SLC4A4: variants seen among roughly 807,000 people sequenced by gnomAD.
SLC4A4 encodes the protein solute carrier family 4 member 4, also known as electrogenic sodium bicarbonate cotransporter 1.
Under a neutral mutation model 111.5 loss-of-function variants are expected in SLC4A4, and 27 were observed. The observed-to-expected ratio is 0.24, with a 90% CI of 0.18 to 0.33. The LOEUF (loss-of-function observed/expected upper bound fraction) is 0.33. SLC4A4 is among the 10% of genes least tolerant of loss of function. The pLI is 1.00. For missense variants in SLC4A4, 909 were observed against 1,315.5 expected, an observed-to-expected ratio of 0.69 and a Z score of 4.78; for synonymous variants, 443 against 463.4, an observed-to-expected ratio of 0.96 and a Z score of 0.57.
intron 2 of SLC4A4, among the ~76,000 whole-genome samples, chr4:71,097,433 A>C (rs933755015): frequency 5.9e-5 from 9 of 152,102 alleles, no homozygotes; most frequent in Non-Finnish European, 1.3e-4. Context: ...ACTGATGTGC[A>C]TTTAGGTTGA....
At chr4:71,349,110 C>T (rs560090734) in intron 4 of SLC4A4, among the ~76,000 whole-genome samples, 1 of 152,164 alleles carries the variant, frequency 6.6e-6, no homozygotes, top group East Asian at 1.9e-4. Flanking sequence ...CTCTCATTTC[C>T]ATTAAGGTTT....
At chr4:71,466,717 G>A (rs187465669) in intron 13 of SLC4A4, 140 bp downstream of exon 13, 5 of 865,012 alleles carry the variant, frequency 5.8e-6, no homozygotes, top group Non-Finnish European at 9.1e-6. Flanking sequence ...AGAGGTGAAA[G>A]GGCCTTAGCA....
intron 1 of SLC4A4, among the ~76,000 whole-genome samples, chr4:71,086,095 A>G (rs1162325986): frequency 6.6e-6 from 1 of 151,550 alleles, no homozygotes; most frequent in African/African-American, 2.4e-5. Context: ...AGTGGTTTGT[A>G]GTTCTCCTTG....
At chr4:71,321,691 G>T (rs554010698) in intron 3 of SLC4A4, among the ~76,000 whole-genome samples, 1 of 152,040 alleles carries the variant, frequency 6.6e-6, no homozygotes, top group African/African-American at 2.4e-5. Flanking sequence ...GAAGGCAAAA[G>T]AGAGCAAGAG....
rs191281937 is a variant in SLC4A4 at position 71,347,814 on chromosome 4, G to T, written c.390-2098G>T. 5.3e-5 allele frequency among the ~76,000 whole-genome samples: 8 copies of T among 152,200 alleles called. No individual in the cohort carries two copies. The East Asian group carries it at 1.5e-3, about 29-fold the overall frequency. On this transcript the variant is annotated intron_variant, in intron 4 of 25. Transcript: ENST00000264485. ...CTTGTAAAACACTCCCCTTTACAGGGCTTCTAGCTGCCCTGTGTCATTCAT... is the reference window on the plus strand; with the variant it reads ...CTTGTAAAACACTCCCCTTTACAGGTCTTCTAGCTGCCCTGTGTCATTCAT...
chr4:71,195,070 T>C (rs567735895), intron 1 of SLC4A4, among the ~76,000 whole-genome samples: 110 of 152,164 alleles, frequency 7.2e-4, no homozygotes, highest in African/African-American at 2.5e-3. Flanking sequence ...ATGTGTATGA[T>C]TTTTGTTTTG....
intron 3 of SLC4A4, among the ~76,000 whole-genome samples, chr4:71,275,848 A>C (rs1274110646): frequency 1.3e-5 from 2 of 152,358 alleles, no homozygotes; most frequent in South Asian, 2.1e-4. Flanking sequence ...CAACATTAGA[A>C]CTTTAGAAGA....
chr4:71,331,116 C>G (rs1448367270), intron 3 of SLC4A4, among the ~76,000 whole-genome samples: 1 of 152,136 alleles, frequency 6.6e-6, no homozygotes, highest in Non-Finnish European at 1.5e-5. Flanking sequence ...AATAGGAACA[C>G]TTTTACACTG....
intron 2 of SLC4A4, among the ~76,000 whole-genome samples, chr4:71,142,684 G>A (rs1306817143): frequency 1.3e-5 from 2 of 150,450 alleles, no homozygotes; most frequent in African/African-American, 4.9e-5. Flanking sequence ...TCTTGGAGAT[G>A]CTATCTAGCA....
In SLC4A4 at chr4:71,333,006, G is replaced by A. The variant is rs1047352568; in HGVS notation, c.254-6364G>A. ...AAGGTCATATGTCTCTGTTACTTGGGATTGGTCATTGGTACCTTATTTGGT... is the reference window on the plus strand; with the variant it reads ...AAGGTCATATGTCTCTGTTACTTGGAATTGGTCATTGGTACCTTATTTGGT... On this transcript the variant is annotated intron_variant, in intron 3 of 25. Coordinates refer to ENST00000264485, the MANE Select transcript of SLC4A4 (RefSeq NM_001098484.3). Among the ~76,000 whole-genome samples, 17 of 152,156 alleles carry A rather than the reference G, an allele frequency of 1.1e-4. 1 individual carries two copies. Among genetic ancestry groups the A allele is most frequent in the Admixed American group, 1.0e-3 (16 of 15,268 alleles).
At chr4:71,189,994 A>G (rs1353379241) in intron 1 of SLC4A4, among the ~76,000 whole-genome samples, 1 of 152,202 alleles carries the variant, frequency 6.6e-6, no homozygotes, top group African/African-American at 2.4e-5. Flanking sequence ...TAAGCAGAAC[A>G]TGGATCTCAG....
chr4:71,137,676 C>G (rs2148964638), intron 2 of SLC4A4, among the ~76,000 whole-genome samples: 1 of 152,348 alleles, frequency 6.6e-6, no homozygotes, highest in Non-Finnish European at 1.5e-5. Context: ...GTGGTTGCTG[C>G]CTGTCCACCT....
At chr4:71,309,733 C>T (rs758472114) in intron 3 of SLC4A4, among the ~76,000 whole-genome samples, 4 of 152,106 alleles carry the variant, frequency 2.6e-5, no homozygotes, top group African/African-American at 7.2e-5. Context: ...GAAAAACCAG[C>T]GCAAAAATGC....
intron 6 of SLC4A4, among the ~76,000 whole-genome samples, chr4:71,358,302 G>C (rs1291713454): frequency 6.7e-6 from 1 of 149,250 alleles, no homozygotes; most frequent in Non-Finnish European, 1.5e-5. Flanking sequence ...GCTACAGAGC[G>C]AGACTCCGTC....
chr4:71,559,944 T>C (rs1268145578), intron 22 of SLC4A4, 149 bp from the exon 23 acceptor site: 1 of 653,528 alleles, frequency 1.5e-6, no homozygotes, highest in African/African-American at 1.8e-5. Flanking sequence ...TCACTCGGTA[T>C]AAGTCCATAC....
chr4:71,290,688 C>T (rs908618740), intron 3 of SLC4A4, among the ~76,000 whole-genome samples: 1 of 152,160 alleles, frequency 6.6e-6, no homozygotes, highest in Admixed American at 6.5e-5. Context: ...GGTGAGGTCA[C>T]TGCAGAAAGG....
At chr4:71,536,757 G>A (rs189441869) in intron 18 of SLC4A4, among the ~76,000 whole-genome samples, 156 of 151,396 alleles carry the variant, frequency 1.0e-3, no homozygotes, top group African/African-American at 3.5e-3. Context: ...GCCTCCCAAA[G>A]TGCTGGGATT....
chr4:71,541,500 A>G (rs898347135), intron 18 of SLC4A4, among the ~76,000 whole-genome samples: 3 of 152,152 alleles, frequency 2.0e-5, no homozygotes, highest in African/African-American at 7.2e-5. Flanking sequence ...AGCACAGAAT[A>G]TGCAAGGCAC....
chr4:71,085,427 A>G (rs1742132778), intron 1 of SLC4A4, among the ~76,000 whole-genome samples: 1 of 151,956 alleles, frequency 6.6e-6, no homozygotes, highest in South Asian at 2.1e-4. Context: ...CCATTTGTCA[A>G]TGTTGGCTTT....
Sources: allele counts gnomAD v4.1 joint callset (sites outside exome capture counted in the v4.1 genomes callset), GRCh38; gene constraint gnomAD v4.1.1; transcripts MANE v1.5; gene names NCBI Gene and HGNC (gene_info 2026-07-23, HGNC 2026-07-21).